Variants in WNT2B observed in about 807,000 individuals in gnomAD.
The protein encoded by WNT2B is protein Wnt-2b.
Under a neutral mutation model 40.5 loss-of-function variants are expected in WNT2B, and 19 were observed. That is an observed-to-expected ratio of 0.47 (90% CI 0.33 to 0.69). WNT2B has a LOEUF of 0.69. Among genes scored for constraint, WNT2B ranks in the 30% least tolerant of loss-of-function variants. The probability of loss-of-function intolerance (pLI) is 0.02; values close to 1 mark genes in which losing one functional copy is unlikely to be tolerated. For missense variants in WNT2B, 467 were observed against 556.4 expected (o/e 0.84, Z 1.62); for synonymous variants, 220 against 211.9 (o/e 1.04, Z -0.33).
At chr1:112,478,574 A>C (rs1487583967) in intron 1 of WNT2B, among the ~76,000 whole-genome samples, 1 of 152,142 alleles carries the variant, frequency 6.6e-6, no homozygotes, top group African/African-American at 2.4e-5. Flanking sequence ...CAAGTACTGA[A>C]AGAAAAAAAA....
intron 1 of WNT2B, among the ~76,000 whole-genome samples, chr1:112,476,674 C>T (rs1651062444): frequency 1.3e-5 from 2 of 152,212 alleles, no homozygotes; most frequent in African/African-American, 4.8e-5. Context: ...AGGACCCCAG[C>T]ATCCTTTGCC....
chr1:112,528,141 CTT>C lies in WNT2B; in HGVS notation c.*7635_*7636del, dbSNP rs1653767821. The C allele has an allele frequency of 6.6e-6, 1 of 151,988 alleles. No homozygotes were observed. The highest frequency in any genetic ancestry group is 2.4e-5 in the African/African-American group (1 of 41,364). The allele number at this position is 151,988 out of a possible 1,614,324, so 9.4% of individuals were successfully genotyped here. A position where few individuals can be genotyped will look rare whatever the true frequency, so the allele number is the denominator to read the frequency against. On this transcript the variant is annotated 3_prime_UTR_variant, in exon 5 of 5. Coordinates refer to ENST00000369684, the MANE Select transcript of WNT2B (RefSeq NM_024494.3). ...AGAGATGGCATTCCACAGGAGGTGA[CTT>C]TTGAGTTGAATTTTTAAAAGATAGC... is the stretch of plus-strand genomic sequence containing the variant.
At chr1:112,502,241 G>T (rs992902663) in intron 1 of WNT2B, among the ~76,000 whole-genome samples, 1 of 152,120 alleles carries the variant, frequency 6.6e-6, no homozygotes, top group Non-Finnish European at 1.5e-5. Flanking sequence ...TCAGGAGCGC[G>T]TCCCCGTGCC....
At chr1:112,489,768 CA>C (rs1052074862) in intron 1 of WNT2B, among the ~76,000 whole-genome samples, 10 of 142,008 alleles carry the variant, frequency 7.0e-5, no homozygotes, top group Admixed American at 6.0e-4. Flanking sequence ...TAAGAAACAT[CA>C]CAAATTCTGC....
Position 112,517,531 on chromosome 1 carries a change from T to A in WNT2B, c.946+146T>A, listed in dbSNP as rs1188819805. ...TCCTCTCCACATGAACACCTGGTCA[T>A]GAGATTGTTGCAGTCCACCAGGCCC... On this transcript the variant is annotated intron_variant, in intron 4 of 4. Coordinates refer to ENST00000369684, the MANE Select transcript of WNT2B (RefSeq NM_024494.3). 33 of 1,111,614 alleles carry A rather than the reference T, an allele frequency of 3.0e-5. No homozygotes were observed. The Admixed American group carries it at 9.3e-4, about 31-fold the overall frequency. The allele number at this position is 1,111,614 out of a possible 1,614,324, so 68.9% of individuals were successfully genotyped here.
At chr1:112,492,849 A>G (rs1208703006) in intron 1 of WNT2B, among the ~76,000 whole-genome samples, 1 of 152,228 alleles carries the variant, frequency 6.6e-6, no homozygotes, top group Non-Finnish European at 1.5e-5. Context: ...TGCGCAGTCC[A>G]GAGGCACAGG....
chr1:112,509,594 G>A lies in WNT2B; in HGVS notation c.182+150G>A, dbSNP rs1652272372. The A allele has an allele frequency of 1.2e-5, 11 of 929,394 alleles. No individual in the cohort carries two copies. The highest frequency in any genetic ancestry group is 1.7e-5 in the African/African-American group (1 of 57,800). The allele number at this position is 929,394 out of a possible 1,614,324, so 57.6% of individuals were successfully genotyped here. On this transcript the variant is annotated intron_variant, in intron 1 of 4. Transcript: ENST00000369684. The surrounding 1 kb of genome is among the most constrained non-coding windows in gnomAD (Gnocchi z 4.2). Reference sequence around the variant, plus strand: ...ACTGTCACTGAAATCTGAAGTCGCGGGGTGGCGGGAGGGTGAGGCGCCGCG... The same window carrying A: ...ACTGTCACTGAAATCTGAAGTCGCGAGGTGGCGGGAGGGTGAGGCGCCGCG...
At chr1:112,495,765 G>A (rs916016005) in intron 1 of WNT2B, among the ~76,000 whole-genome samples, 2 of 152,144 alleles carry the variant, frequency 1.3e-5, no homozygotes, top group East Asian at 3.9e-4. Flanking sequence ...TTTTGCTGCC[G>A]TAATAAAATA....
At chr1:112,474,594 G>A (rs1381740682) in intron 1 of WNT2B, among the ~76,000 whole-genome samples, 7 of 152,196 alleles carry the variant, frequency 4.6e-5, no homozygotes, top group Admixed American at 4.6e-4. Flanking sequence ...GAAAAAAACT[G>A]TCAACCTAGA....
At chr1:112,490,921 C>T in intron 1 of WNT2B, 2 of 1,351,824 alleles carry the variant, frequency 1.5e-6, no homozygotes, top group Non-Finnish European at 2.1e-6. Context: ...TAGCTCTACC[C>T]TAAATAAATC....
intron 4 of WNT2B, chr1:112,518,285 C>T (rs1652669902): frequency 6.6e-6 from 1 of 152,210 alleles, no homozygotes; most frequent in South Asian, 2.1e-4. Context: ...CAGCAGAACT[C>T]TTCTCCTCTG....
At chr1:112,516,981 T>A in intron 3 of WNT2B, 140 bp from the exon 4 acceptor site, 1 of 1,122,886 alleles carries the variant, frequency 8.9e-7, no homozygotes, top group South Asian at 1.5e-5. Flanking sequence ...GGATCTGATG[T>A]GGGAGAGAAC....
At chr1:112,480,394 T>C (rs568646340) in intron 1 of WNT2B, among the ~76,000 whole-genome samples, 1 of 143,966 alleles carries the variant, frequency 6.9e-6, no homozygotes, top group South Asian at 2.2e-4. Context: ...GAGAAGACAG[T>C]ACAACCGATA....
upstream of WNT2B, among the ~76,000 whole-genome samples, chr1:112,508,227 GA>G (rs1652185000): frequency 1.3e-5 from 2 of 151,952 alleles, no homozygotes; most frequent in South Asian, 4.2e-4. This position sits in a 1 kb window ranked among gnomAD's most constrained non-coding sequence, Gnocchi z 4.2. Flanking sequence ...CACAGAGGGG[GA>G]GCGGGGAGAG....
intron 1 of WNT2B, among the ~76,000 whole-genome samples, chr1:112,514,277 T>A (rs953687238): frequency 1.1e-4 from 16 of 152,154 alleles, no homozygotes; most frequent in Admixed American, 7.9e-4. Context: ...GAGTAGAGGG[T>A]GGGGTCTTCC....
At chr1:112,466,924 C>G (rs184545537) in exon 1 of WNT2B, 2 of 152,498 alleles carry the variant, frequency 1.3e-5, no homozygotes, top group African/African-American at 4.8e-5. Flanking sequence ...CTGTGATAGG[C>G]ACTAGGATAG....
In WNT2B at chr1:112,524,185, T is replaced by C. The variant is rs940710035; in HGVS notation, c.*3676T>C. ...TCAAGAACACCAACCAGTAAGTCTT[T>C]GCCAAATTCTCAGACCCACTCAGGA... is the stretch of plus-strand genomic sequence containing the variant. On this transcript the variant is annotated 3_prime_UTR_variant, in exon 5 of 5. Coordinates refer to ENST00000369684, the MANE Select transcript of WNT2B (RefSeq NM_024494.3). The C allele has an allele frequency of 4.6e-5, 7 of 152,600 alleles. No individual in the cohort carries two copies. The highest frequency in any genetic ancestry group is 1.7e-4 in the African/African-American group (7 of 41,440). The allele number at this position is 152,600 out of a possible 1,614,324, so 9.5% of individuals were successfully genotyped here.
chr1:112,488,706 C>T (rs1651499893), intron 1 of WNT2B, among the ~76,000 whole-genome samples: 1 of 151,996 alleles, frequency 6.6e-6, no homozygotes, highest in South Asian at 2.1e-4. Context: ...CGCTCGCCAC[C>T]ATGCCCGGCT....
At position 112,521,512 on chromosome 1, in the gene WNT2B, ATTCT is replaced by A. The variant is rs1002486712; in HGVS notation, c.*1006_*1009del. ...CAGGTAGGGATCTCTGGCTTTGGTA[ATTCT>A]TTATGAGAGGATCCTAGCCTTTGAA... On this transcript the variant is annotated 3_prime_UTR_variant, in exon 5 of 5. Transcript: ENST00000369684. 4.6e-5 allele frequency: 7 copies of A among 152,322 alleles called. No homozygotes were observed. The highest frequency in any genetic ancestry group is 1.4e-4 in the African/African-American group (6 of 41,482). The allele number at this position is 152,322 out of a possible 1,614,324, so 9.4% of individuals were successfully genotyped here. A position where few individuals can be genotyped will look rare whatever the true frequency, so the allele number is the denominator to read the frequency against.
Sources: gnomAD v4.1 joint callset for allele counts (sites outside exome capture counted in the v4.1 genomes callset) on GRCh38, gnomAD v4.1.1 for gene constraint, Gnocchi (gnomAD v3.1) non-coding constraint, MANE v1.5 for transcripts, NCBI Gene and HGNC (gene_info 2026-07-23, HGNC 2026-07-21) for gene names.